The following SPTBN5 variants were observed in gnomAD, a reference collection of about 807,000 sequenced individuals.
The protein encoded by SPTBN5 is spectrin beta, non-erythrocytic 5.
In SPTBN5, 513 loss-of-function variants were observed where a neutral mutation model predicts 477.6. The ratio of observed to expected loss-of-function variants is 1.07; its 90% CI spans 1.00 to 1.16. The LOEUF is 1.16. SPTBN5 is among the 50% of genes most tolerant of loss of function. The pLI is 0.00. For missense variants in SPTBN5, 5,062 were observed against 4,731.8 expected, an observed-to-expected ratio of 1.07 and a Z score of -2.05; for synonymous variants, 2,169 against 2,011.7, an observed-to-expected ratio of 1.08 and a Z score of -2.09.
rs1369687544 is a variant in SPTBN5, at chr15:41,854,932, G to A, written c.9468C>T (p.Ser3156=). 1.3e-6 allele frequency: 2 copies of A among 1,574,912 alleles called. No individual in the cohort carries two copies. The highest frequency in any genetic ancestry group is 1.9e-5 in the Admixed American group (1 of 51,930). The change falls in exon 56 of 68, where the codon AGC becomes AGT. Residue 3156 remains serine (S), a synonymous_variant. Transcript: ENST00000320955. ...KFDAFRKEVQ[S]LGQAKVYALR... is the part of the protein sequence containing the mutation. ...GGGCATACACCTTGGCCTGGCCCAG[G>A]CTCTGCACTTCCTTTCTGAAAGCAT...
In SPTBN5 at chr15:41,852,645, G is replaced by A. The variant is rs2140911417; in HGVS notation, c.10438C>T (p.Gln3480Ter). 6.2e-7 allele frequency: 1 copy of A among 1,613,522 alleles called. No homozygotes were observed. Among genetic ancestry groups the A allele is most frequent in the Non-Finnish European group, 8.5e-7 (1 of 1,179,878 alleles). The part of the protein sequence containing the change: ...AAQEEKFAQM[Q>*]KTEMEQELLL... The stretch of plus-strand genomic sequence containing the variant: ...GAGGCAGTCGTCACCTCTGTCTTTT[G>A]CATTTGGGCAAACTTCTCTTCCTGG... Residue 3480 changes from glutamine to a stop codon, truncating the protein, a stop_gained, in exon 61 of 68, where the codon CAA (glutamine) becomes TAA (stop). Coordinates refer to ENST00000320955, the MANE Select transcript of SPTBN5 (RefSeq NM_016642.4). LOFTEE classifies it high-confidence loss of function.
rs1006380007 is a variant in SPTBN5, at chr15:41,888,754, C to T, written c.502-669G>A. Among the ~76,000 whole-genome samples the T allele has an allele frequency of 2.0e-5, 3 of 152,372 alleles. No homozygotes were observed. The South Asian group carries it at 6.2e-4, about 32-fold the overall frequency. ...GGAATTACAGGTGTTAGCCACCATG[C>T]CCAGCCTCACTTCCTGTTTATAAAC... On this transcript the variant is annotated intron_variant, in intron 4 of 67. Transcript: ENST00000320955.
rs756987330 is a variant in SPTBN5, at chr15:41,877,295, C to G, written c.3532G>C (p.Glu1178Gln). 2.5e-6 allele frequency: 4 copies of G among 1,613,294 alleles called. No individual in the cohort carries two copies. The highest frequency in any genetic ancestry group is 3.4e-6 in the Non-Finnish European group (4 of 1,179,680). Residue 1178 changes from glutamate (E) to glutamine (Q), a missense_variant, in exon 18 of 68, where the codon GAG becomes CAG. Transcript: ENST00000320955. The stretch of plus-strand genomic sequence containing the variant: ...AGGACCCTCAGAGTGTTGGGCACCT[C>G]TTGGGAGTCTGGGCAGTCCAAGGCT... ...MAALDCPDSQ[E>Q]VPNTLRVLGQ...
In SPTBN5 at chr15:41,855,765, G is replaced by A. The variant is rs372524706; in HGVS notation, c.9022-20C>T. The A allele has an allele frequency of 6.5e-6, 10 of 1,547,744 alleles. No individual in the cohort carries two copies. Among genetic ancestry groups the A allele is most frequent in the Non-Finnish European group, 8.7e-6 (10 of 1,147,950 alleles). ...CAGGAGCTGGGGGTGACAGAGTGGA[G>A]ATCCGTTTTCCCGGGGCACCCTCCA... is the stretch of plus-strand genomic sequence containing the variant. On this transcript the variant is annotated intron_variant, in intron 53 of 67. Coordinates refer to ENST00000320955, the MANE Select transcript of SPTBN5 (RefSeq NM_016642.4).
chr15:41,884,736 T>A (rs982047516), intron 7 of SPTBN5, among the ~76,000 whole-genome samples: 2 of 152,182 alleles, frequency 1.3e-5, no homozygotes, highest in Non-Finnish European at 2.9e-5. Context: ...AAGGCCCGAC[T>A]TGACCTCCTT....
Position 41,887,237 on chromosome 15 carries a change from C to T in SPTBN5, c.864G>A (p.Gln288=). 9 of 1,551,546 alleles carry T rather than the reference C, an allele frequency of 5.8e-6. No individual in the cohort carries two copies. Among genetic ancestry groups the T allele is most frequent in the Non-Finnish European group, 7.8e-6 (9 of 1,146,962 alleles). Residue 288 remains glutamine (Q), a synonymous_variant, in exon 6 of 68, where the codon CAG becomes CAA. Coordinates refer to ENST00000320955, the MANE Select transcript of SPTBN5 (RefSeq NM_016642.4). The part of the protein sequence containing the change: ...YHYCSRLHQG[Q]TVQRRLTKIL... ...CCTTAGTGAGTCTCCTCTGGACAGT[C>T]TGCCCCTGATGCAGGCGGGAGCAGT...
Position 41,872,420 on chromosome 15 carries a change from C to A in SPTBN5, c.5047G>T (p.Glu1683Ter), listed in dbSNP as rs926622342. 7 of 1,583,418 alleles carry A rather than the reference C, an allele frequency of 4.4e-6. No homozygotes were observed. The South Asian group carries it at 6.9e-5, about 16-fold the overall frequency. Reference sequence around the variant, plus strand: ...GTTTGGGCCGTCTGGTCAAGCTCCTCCATGGAGCTCCAGTAAATGGCTAGT... The same window carrying A: ...GTTTGGGCCGTCTGGTCAAGCTCCTACATGGAGCTCCAGTAAATGGCTAGT... ...EELAIYWSSM[E>*]ELDQTAQTLT... The change falls in exon 27 of 68, where the codon GAG becomes TAG. Residue 1683 changes from glutamate (E) to a stop codon, truncating the protein, a stop_gained. Transcript: ENST00000320955. LOFTEE classifies it high-confidence loss of function.
At position 41,887,300 on chromosome 15, in the gene SPTBN5, C is replaced by T; in HGVS notation, c.801G>A (p.Glu267=). Residue 267 remains glutamate, a synonymous_variant, in exon 6 of 68, where the codon GAG becomes GAA. Coordinates refer to ENST00000320955, the MANE Select transcript of SPTBN5 (RefSeq NM_016642.4). ...PEDVAAAQPD[E]RSIMTYVSLY... is the part of the protein sequence containing the mutation. Reference sequence around the variant, plus strand: ...GGGAGACGTAGGTCATGATAGAGCGCTCATCTGGCTGTGCGGCTGCCACGT... The same window carrying T: ...GGGAGACGTAGGTCATGATAGAGCGTTCATCTGGCTGTGCGGCTGCCACGT... The T allele has an allele frequency of 6.4e-7, 1 of 1,551,280 alleles. No homozygotes were observed.
intron 62 of SPTBN5, 112 bp downstream of exon 62, chr15:41,852,070 G>C: frequency 2.2e-6 from 3 of 1,355,678 alleles, no homozygotes; most frequent in Non-Finnish European, 3.0e-6. Context: ...CCTGTGCCCG[G>C]GCTCCCAGCA....
chr15:41,856,949 C>T lies in SPTBN5; in HGVS notation c.8712G>A (p.Glu2904=). ...LLLKFFRDAD[E]EMAWVQEKLP... ...GCTTCTCCTGCACCCAGGCCATTTC[C>T]TCGTCGGCGTCCCTGAAGAACTTCA... Residue 2904 remains glutamate (E), a synonymous_variant, in exon 52 of 68, where the codon GAG becomes GAA. Coordinates refer to ENST00000320955, the MANE Select transcript of SPTBN5 (RefSeq NM_016642.4). 6.3e-7 allele frequency: 1 copy of T among 1,586,046 alleles called. No homozygotes were observed. The highest frequency in any genetic ancestry group is 8.6e-7 in the Non-Finnish European group (1 of 1,166,814).
chr15:41,882,394 G>C lies in SPTBN5; in HGVS notation c.2122C>G (p.Arg708Gly). 6.5e-7 allele frequency: 1 copy of C among 1,539,078 alleles called. No individual in the cohort carries two copies. Among genetic ancestry groups the C allele is most frequent in the African/African-American group, 1.4e-5 (1 of 73,254 alleles). Reference protein sequence around the residue: ...LVRRGRDLSARRPPTQPDPGE... With the variant: ...LVRRGRDLSAGRPPTQPDPGE... ...GGATCCGGCTGCGTTGGGGGCCTGC[G>C]GGCGCTGAGGTCGCGTCCCCTCCGC... Residue 708 changes from arginine to glycine, a missense_variant, in exon 11 of 68, where the codon CGC becomes GGC. By Grantham distance (125) the Arg-to-Gly change is moderately radical. Coordinates refer to ENST00000320955, the MANE Select transcript of SPTBN5 (RefSeq NM_016642.4).
In SPTBN5 at chr15:41,851,114, C is replaced by T. The variant is rs1046560436; in HGVS notation, c.10780G>A (p.Ala3594Thr). The change falls in exon 65 of 68, where the codon GCC (alanine) becomes ACC (threonine). Residue 3594 changes from alanine (A) to threonine (T), a missense_variant. By Grantham distance (58) the Ala-to-Thr change is moderately conservative. Transcript: ENST00000320955. ...ASIALLDLTGARCERLRGRHG... is the reference protein window; with the variant it reads ...ASIALLDLTGTRCERLRGRHG... ...CGGCCCCGCAGCCTCTCACACCGGG[C>T]TCCCGTGAGGTCAAGGAGGGCTATG... 3.1e-6 allele frequency: 5 copies of T among 1,613,194 alleles called. No homozygotes were observed. The highest frequency in any genetic ancestry group is 2.7e-5 in the African/African-American group (2 of 74,952).
In SPTBN5 at chr15:41,879,289, C is replaced by G; in HGVS notation, c.3153G>C (p.Arg1051Ser). 6.2e-7 allele frequency: 1 copy of G among 1,611,948 alleles called. No homozygotes were observed. The highest frequency in any genetic ancestry group is 8.5e-7 in the Non-Finnish European group (1 of 1,179,828). Residue 1051 changes from arginine (R) to serine (S), a missense_variant, in exon 16 of 68, where the codon AGG (arginine) becomes AGC (serine). Arg to Ser is a moderately radical substitution (Grantham distance 110). Transcript: ENST00000320955. ...AQKKTLVLER[R>S]VHFLQSVVVK... ...CGACCACACTTTGGAGGAAGTGGAC[C>G]CTCCTCTCCAGCACCAGGGTCTTCT...
Position 41,876,859 on chromosome 15 carries a change from C to T in SPTBN5, c.3801G>A (p.Leu1267=), listed in dbSNP as rs1161960563. The T allele has an allele frequency of 1.9e-6, 3 of 1,610,572 alleles. No homozygotes were observed. The highest frequency in any genetic ancestry group is 2.5e-6 in the Non-Finnish European group (3 of 1,179,854). The change falls in exon 19 of 68, where the codon CTG becomes CTA. Residue 1267 remains leucine (L), a synonymous_variant. Coordinates refer to ENST00000320955, the MANE Select transcript of SPTBN5 (RefSeq NM_016642.4). The part of the protein sequence containing the change: ...LSTLGPRAEA[L]RAHGEKLVQS... ...GAACCAGCTTCTCGCCGTGTGCCCG[C>T]AGAGCCTCTGCCCGAGGCCCCAGGG...
At position 41,861,788 on chromosome 15, in the gene SPTBN5, C is replaced by G; in HGVS notation, c.7684G>C (p.Glu2562Gln). 1.3e-6 allele frequency: 2 copies of G among 1,562,638 alleles called. No homozygotes were observed. Among genetic ancestry groups the G allele is most frequent in the Non-Finnish European group, 1.7e-6 (2 of 1,157,776 alleles). Reference protein sequence around the residue: ...AGLEQELSSLEGAWQEHQLQL... With the variant: ...AGLEQELSSLQGAWQEHQLQL... ...AGCTGATGCTCCTGCCAGGCCCCTTCCAGGCTGCTCAGCTCCTGTTCTAAG... is the reference window on the plus strand; with the variant it reads ...AGCTGATGCTCCTGCCAGGCCCCTTGCAGGCTGCTCAGCTCCTGTTCTAAG... Residue 2562 changes from glutamate to glutamine, a missense_variant, in exon 45 of 68, where the codon GAA becomes CAA. Coordinates refer to ENST00000320955, the MANE Select transcript of SPTBN5 (RefSeq NM_016642.4).
intron 67 of SPTBN5, 73 bp from the exon 68 acceptor site, chr15:41,848,701 T>G: frequency 6.4e-7 from 1 of 1,555,066 alleles, no homozygotes; most frequent in Non-Finnish European, 8.9e-7. Context: ...CACACACTGG[T>G]GCCCCTGCCC....
chr15:41,866,899 G>A (rs1013649502), intron 36 of SPTBN5, 60 bp downstream of exon 36: 15 of 1,493,022 alleles, frequency 1.0e-5, no homozygotes, highest in African/African-American at 7.0e-5. Context: ...GTGTGAAGGC[G>A]GCTGAAAACT....
At position 41,853,725 on chromosome 15, in the gene SPTBN5, G is replaced by A. The variant is rs1214103055; in HGVS notation, c.9837C>T (p.Gly3279=). The change falls in exon 58 of 68, where the codon GGC becomes GGT. Residue 3279 remains glycine, a synonymous_variant. Transcript: ENST00000320955. ...CCCCCGGAGCTGCAGGATGTAGCTG[G>A]CCCAGTCGGCAGGCCTCCGTCTGTA... is the stretch of plus-strand genomic sequence containing the variant. The part of the protein sequence containing the change: ...ARLQTEACRL[G]QLHPAAPGGL... 2 of 1,590,828 alleles carry A rather than the reference G, an allele frequency of 1.3e-6. No homozygotes were observed. Among genetic ancestry groups the A allele is most frequent in the Non-Finnish European group, 1.7e-6 (2 of 1,169,374 alleles).
chr15:41,867,977 C>T lies in SPTBN5; in HGVS notation c.6207+92G>A. ...AGCTGCCTCATATTAGAGAAAAAGC[C>T]AGAGAGGCAGGAGGAAAGGGACTGA... On this transcript the variant is annotated intron_variant, in intron 34 of 67. Transcript: ENST00000320955. 4 of 1,444,608 alleles carry T rather than the reference C, an allele frequency of 2.8e-6. No homozygotes were observed. In the Admixed American group the frequency reaches 1.1e-4, roughly 38 times the overall value. 89.5% of individuals were successfully genotyped at this position (1,444,608 alleles called of 1,614,324 possible).
Sources: gnomAD v4.1 joint callset for allele counts (sites outside exome capture counted in the v4.1 genomes callset) on GRCh38, gnomAD v4.1.1 for gene constraint, MANE v1.5 for transcripts, NCBI Gene and HGNC (gene_info 2026-07-23, HGNC 2026-07-21) for gene names.